The following ZDHHC11B variants were observed in gnomAD, a reference collection of about 807,000 sequenced individuals.
ZDHHC11B encodes the protein probable palmitoyltransferase ZDHHC11B.
A neutral mutation model predicts 42.3 loss-of-function variants in ZDHHC11B; 17 were observed. The observed-to-expected ratio is 0.40, with a 90% CI of 0.27 to 0.60. The LOEUF is 0.60. Among genes scored for constraint, ZDHHC11B ranks in the 20% least tolerant of loss-of-function variants. ZDHHC11B has a pLI of 0.41. For missense variants in ZDHHC11B, 262 were observed against 463.2 expected, an observed-to-expected ratio of 0.57 and a Z score of 3.99; for synonymous variants, 123 against 193.5, an observed-to-expected ratio of 0.64 and a Z score of 3.02.
At chr5:724,963 G>A (rs1401186673) in intron 12 of ZDHHC11B, among the ~76,000 whole-genome samples, 5 of 146,228 alleles carry the variant, frequency 3.4e-5, no homozygotes, top group African/African-American at 1.0e-4. Flanking sequence ...CGGCACTTCT[G>A]GGCCTTTGTT....
Position 711,144 on chromosome 5 carries a change from CCTTTCCCAGTACTGTGCTCCG to C in ZDHHC11B, c.*1125_*1145del. 6.7e-6 allele frequency: 1 copy of C among 150,014 alleles called. No homozygotes were observed. Among genetic ancestry groups the C allele is most frequent in the Non-Finnish European group, 1.5e-5 (1 of 67,650 alleles). The allele number at this position is 150,014 out of a possible 1,614,324, so 9.3% of individuals were successfully genotyped here. ...CCCATTTCCCAGTACTATGGGCTCC[CCTTTCCCAGTACTGTGCTCCG>C]CTTTCCCAGTACTATGCTCCCATTT... On this transcript the variant is annotated 3_prime_UTR_variant, in exon 14 of 14. Coordinates refer to ENST00000508859, the MANE Select transcript of ZDHHC11B (RefSeq NM_001351303.2).
intron 8 of ZDHHC11B, chr5:747,972 G>C (rs1745058096): frequency 5.4e-6 from 2 of 373,498 alleles, no homozygotes; most frequent in Non-Finnish European, 9.4e-6. Flanking sequence ...TCAGTTGTTT[G>C]GTTAGTGGGT....
At chr5:764,959 G>A (rs1220898474) in intron 4 of ZDHHC11B, among the ~76,000 whole-genome samples, 1 of 3,950 alleles carries the variant, frequency 2.5e-4, no homozygotes, top group African/African-American at 1.2e-3. Flanking sequence ...TGGGGACTTG[G>A]AGAACCTTTA....
chr5:716,532 G>A (rs1312171774), intron 13 of ZDHHC11B, among the ~76,000 whole-genome samples: 1 of 151,768 alleles, frequency 6.6e-6, no homozygotes, highest in Non-Finnish European at 1.5e-5. Flanking sequence ...TTAAAGGCAA[G>A]TATGGAAATG....
At chr5:777,277 C>A (rs549026503) in intron 1 of ZDHHC11B, among the ~76,000 whole-genome samples, 25 of 151,798 alleles carry the variant, frequency 1.6e-4, no homozygotes, top group Admixed American at 2.0e-4. Flanking sequence ...TCATTCCTTC[C>A]CGTGGGTTCC....
At chr5:744,732 G>A (rs1439734139) in intron 9 of ZDHHC11B, among the ~76,000 whole-genome samples, 4 of 148,282 alleles carry the variant, frequency 2.7e-5, no homozygotes, top group South Asian at 2.3e-4. Flanking sequence ...TTAGTGGGGC[G>A]TAGTGGCATA....
intron 10 of ZDHHC11B, among the ~76,000 whole-genome samples, chr5:739,691 A>G (rs1271198187): frequency 6.8e-6 from 1 of 146,428 alleles, no homozygotes; most frequent in Non-Finnish European, 1.5e-5. Flanking sequence ...TACAACTACT[A>G]TAAAAAACAG....
rs1482226811 is a variant in ZDHHC11B, at chr5:767,237, TG to T, written c.-1+154del. The T allele has an allele frequency of 4.1e-6, 4 of 967,046 alleles. No homozygotes were observed. The African/African-American group carries it at 6.4e-5, about 15-fold the overall frequency. The allele number at this position is 967,046 out of a possible 1,614,324, so 59.9% of individuals were successfully genotyped here. A position where few individuals can be genotyped will look rare whatever the true frequency, so the allele number is the denominator to read the frequency against. ...GGACCTGGCCTGTGGCAGACCTGGG[TG>T]GATGACTGAAAGCAACGGGAAGACC... On this transcript the variant is annotated intron_variant, in intron 3 of 13. Coordinates refer to ENST00000508859, the MANE Select transcript of ZDHHC11B (RefSeq NM_001351303.2).
chr5:719,632 A>G (rs1351452515), intron 12 of ZDHHC11B, among the ~76,000 whole-genome samples: 1 of 151,438 alleles, frequency 6.6e-6, no homozygotes, highest in East Asian at 1.9e-4. Context: ...GACCAGAAAA[A>G]AAAAAAAAGA....
At chr5:756,943 CTCTGTCTTGGGCCCT>C (rs1272503152) in intron 4 of ZDHHC11B, among the ~76,000 whole-genome samples, 3 of 151,754 alleles carry the variant, frequency 2.0e-5, no homozygotes, top group African/African-American at 7.3e-5. Context: ...GACCCTGGGC[CTCTGTCTTGGGCCCT>C]CTGGGCTCGG....
At position 767,382 on chromosome 5, in the gene ZDHHC11B, C is replaced by T. The variant is rs11134236; in HGVS notation, c.-1+10G>A. The T allele has an allele frequency of 0.22, 315,705 of 1,466,364 alleles. 29,850 individuals are homozygous for T. Among genetic ancestry groups the T allele is most frequent in the Middle Eastern group, 0.25 (1,401 of 5,618 alleles). The allele number at this position is 1,466,364 out of a possible 1,614,324, so 90.8% of individuals were successfully genotyped here. A position where few individuals can be genotyped will look rare whatever the true frequency, so the allele number is the denominator to read the frequency against. On this transcript the variant is annotated intron_variant, in intron 3 of 13. Transcript: ENST00000508859. The stretch of plus-strand genomic sequence containing the variant: ...ACAGCAGCCAAGGGCTCCCCGGGGC[C>T]AACACCTGCCTCGGCGCACACTGCA...
Position 759,665 on chromosome 5 carries a change from ATACAC to A in ZDHHC11B, c.223-3526_223-3522del, listed in dbSNP as rs376695297. Among the ~76,000 whole-genome samples the A allele has an allele frequency of 6.9e-3, 1,042 of 151,772 alleles. 25 individuals carry two copies. Among genetic ancestry groups the A allele is most frequent in the South Asian group, 0.013 (64 of 4,758 alleles). On this transcript the variant is annotated intron_variant, in intron 4 of 13. Coordinates refer to ENST00000508859, the MANE Select transcript of ZDHHC11B (RefSeq NM_001351303.2). ...ACTGAGGCATGCTCTGGAAGGGCCC[ATACAC>A]GCGGCCGCTGGACGGTTGGCCAAGC...
At chr5:776,595 T>C in intron 1 of ZDHHC11B, among the ~76,000 whole-genome samples, 1 of 151,742 alleles carries the variant, frequency 6.6e-6, no homozygotes, top group East Asian at 1.9e-4. Flanking sequence ...AGACCCTCGC[T>C]GGTGAATGGG....
intron 12 of ZDHHC11B, among the ~76,000 whole-genome samples, chr5:724,483 C>G (rs1742420992): frequency 7.1e-6 from 1 of 141,594 alleles, no homozygotes; most frequent in Non-Finnish European, 1.5e-5. Context: ...TCACGCCATT[C>G]TCCTGCCTCA....
At chr5:743,474 T>G (rs1744395276) in intron 9 of ZDHHC11B, among the ~76,000 whole-genome samples, 1 of 148,138 alleles carries the variant, frequency 6.8e-6, no homozygotes, top group Admixed American at 6.9e-5. Flanking sequence ...CAGCAGGGAT[T>G]GTGGTAAATC....
chr5:752,691 G>C lies in ZDHHC11B; in HGVS notation c.504-1434C>G, dbSNP rs554292084. The stretch of plus-strand genomic sequence containing the variant: ...AGTCTTCTGGATAATCCAGGGGTGA[G>C]GGGTGGCTCCGGGCGTGAGCGGCTC... On this transcript the variant is annotated intron_variant, in intron 6 of 13. Coordinates refer to ENST00000508859, the MANE Select transcript of ZDHHC11B (RefSeq NM_001351303.2). Among the ~76,000 whole-genome samples the C allele has an allele frequency of 1.5e-4, 14 of 95,954 alleles. 1 individual carries two copies. In the South Asian group the frequency reaches 3.8e-3, roughly 26 times the overall value. The allele number at this position is 95,954 out of a possible 152,430, so 62.9% of individuals were successfully genotyped here.
chr5:742,420 T>C (rs1744264108), intron 9 of ZDHHC11B, among the ~76,000 whole-genome samples: 1 of 138,852 alleles, frequency 7.2e-6, no homozygotes, highest in South Asian at 2.7e-4. Context: ...AAATATTTTG[T>C]TTGCCTGTGG....
intron 1 of ZDHHC11B, among the ~76,000 whole-genome samples, chr5:779,373 C>A (rs1264147992): frequency 2.0e-5 from 3 of 150,066 alleles, no homozygotes; most frequent in African/African-American, 4.9e-5. Context: ...CGGGTGGGAC[C>A]AGAGGCTCAG....
At position 724,371 on chromosome 5, in the gene ZDHHC11B, A is replaced by ATTTTTTTT. The variant is rs386402805; in HGVS notation, c.1058+6055_1058+6062dup. On this transcript the variant is annotated intron_variant, in intron 12 of 13. Transcript: ENST00000508859. ...AGGAGCATGCCATCAAACCCAGCTAATTTTTTTTTTTTTTTTTTTTTTTTG... is the reference window on the plus strand; with the variant it reads ...AGGAGCATGCCATCAAACCCAGCTAATTTTTTTTTTTTTTTTTTTTTTTTTTTTTTTTG... Among the ~76,000 whole-genome samples the ATTTTTTTT allele has an allele frequency of 5.3e-4, 43 of 81,420 alleles. 2 individuals are homozygous for ATTTTTTTT. The highest frequency in any genetic ancestry group is 8.5e-4 in the Non-Finnish European group (37 of 43,620). 53.4% of individuals were successfully genotyped at this position (81,420 alleles called of 152,430 possible).
Sources: allele counts gnomAD v4.1 joint callset (sites outside exome capture counted in the v4.1 genomes callset), GRCh38; gene constraint gnomAD v4.1.1; transcripts MANE v1.5; gene names NCBI Gene and HGNC (gene_info 2026-07-23, HGNC 2026-07-21).